Variants in UNC80 observed in about 807,000 individuals in gnomAD.
UNC80 encodes the protein unc-80 subunit of NALCN channel complex.
A neutral mutation model predicts 384.6 loss-of-function variants in UNC80; 164 were observed. The ratio of observed to expected loss-of-function variants is 0.43; its 90% CI spans 0.38 to 0.49. The LOEUF is 0.49. Among genes scored for constraint, UNC80 ranks in the 20% least tolerant of loss-of-function variants. The pLI, the probability that UNC80 is intolerant of heterozygous loss-of-function variation, is 0.00. For synonymous variants in UNC80, 1,486 were observed against 1,527.8 expected (o/e 0.97, Z 0.64); for missense variants, 3,330 against 4,143.0 (o/e 0.80, Z 5.39).
At position 209,834,951 on chromosome 2, in the gene UNC80, C is replaced by T; in HGVS notation, c.2982C>T (p.Ser994=). 6.4e-7 allele frequency: 1 copy of T among 1,551,136 alleles called. No individual in the cohort carries two copies. Among genetic ancestry groups the T allele is most frequent in the Non-Finnish European group, 8.7e-7 (1 of 1,146,574 alleles). The change falls in exon 18 of 65, where the codon TCC becomes TCT. Residue 994 remains serine (S), a synonymous_variant. Transcript: ENST00000673920. ...AGSIVDKGQV[S]SAPEECRSFM... is the part of the protein sequence containing the mutation. ...GCATTGTGGATAAAGGCCAGGTATC[C>T]TCTGCACCTGAGGAATGTCGCAGCT...
chr2:209,903,284 T>C (rs112286515), intron 28 of UNC80, among the ~76,000 whole-genome samples: 2,140 of 131,218 alleles, frequency 0.016, 65 homozygotes, highest in African/African-American at 0.057. Flanking sequence ...CTGACTTATG[T>C]GTGTGTGTGT....
At chr2:209,891,420 G>T (rs1488735976) in intron 26 of UNC80, among the ~76,000 whole-genome samples, 1 of 151,996 alleles carries the variant, frequency 6.6e-6, no homozygotes, top group African/African-American at 2.4e-5. Context: ...ATATCCCAAA[G>T]AGATTTTAAT....
rs2089765099 is a variant in UNC80 at position 209,918,676 on chromosome 2, C to G, written c.5343+13C>G. On this transcript the variant is annotated intron_variant, in intron 33 of 64. Coordinates refer to ENST00000673920, the MANE Select transcript of UNC80 (RefSeq NM_001371986.1). ...TGAAGACCAGTCTGTGAGTAACAGA[C>G]ACTTCCAGGTTCCATGGTGTACGTG... is the stretch of plus-strand genomic sequence containing the variant. 6.5e-7 allele frequency: 1 copy of G among 1,540,826 alleles called. No individual in the cohort carries two copies. The highest frequency in any genetic ancestry group is 1.4e-5 in the African/African-American group (1 of 72,812).
intron 50 of UNC80, 135 bp from the exon 51 acceptor site, chr2:209,959,354 T>G: frequency 1.9e-6 from 2 of 1,075,554 alleles, no homozygotes; most frequent in Non-Finnish European, 2.7e-6. Context: ...TCGGATGAGG[T>G]TCTCCTTGGC....
At chr2:209,875,818 A>C (rs1275884610) in intron 23 of UNC80, among the ~76,000 whole-genome samples, 1 of 152,174 alleles carries the variant, frequency 6.6e-6, no homozygotes. Flanking sequence ...AAACTTTGAG[A>C]CCTTCTGTGA....
At chr2:209,832,683 A>G (rs1039471186) in intron 16 of UNC80, among the ~76,000 whole-genome samples, 4 of 152,238 alleles carry the variant, frequency 2.6e-5, no homozygotes, top group African/African-American at 9.6e-5. Context: ...CCATCCATGC[A>G]TACAATTTGG....
intron 28 of UNC80, among the ~76,000 whole-genome samples, chr2:209,898,659 A>G (rs1407190382): frequency 6.6e-6 from 1 of 152,146 alleles, no homozygotes; most frequent in Non-Finnish European, 1.5e-5. Flanking sequence ...TTTTAAATGT[A>G]CAGTTATTAT....
At chr2:209,803,012 G>T (rs1467265425) in intron 7 of UNC80, among the ~76,000 whole-genome samples, 1 of 152,120 alleles carries the variant, frequency 6.6e-6, no homozygotes, top group Non-Finnish European at 1.5e-5. Context: ...TAGCTGATTT[G>T]TTCAAAACCA....
intron 25 of UNC80, among the ~76,000 whole-genome samples, chr2:209,884,341 G>A (rs1333091057): frequency 2.6e-5 from 4 of 152,204 alleles, no homozygotes; most frequent in Non-Finnish European, 4.4e-5. Context: ...GAGGAAGGTG[G>A]TAAGGAGGTC....
chr2:209,952,744 T>C (rs1352745315), intron 47 of UNC80, among the ~76,000 whole-genome samples: 1 of 152,238 alleles, frequency 6.6e-6, no homozygotes, highest in African/African-American at 2.4e-5. Flanking sequence ...TTAAAAATTT[T>C]GTCCACCCTT....
chr2:209,977,995 A>C (rs2093055808), intron 58 of UNC80, among the ~76,000 whole-genome samples: 1 of 152,190 alleles, frequency 6.6e-6, no homozygotes, highest in African/African-American at 2.4e-5. Context: ...AAGTTTACAC[A>C]TTATCATTCA....
At chr2:209,826,299 T>C (rs1317890419) in intron 14 of UNC80, among the ~76,000 whole-genome samples, 1 of 152,178 alleles carries the variant, frequency 6.6e-6, no homozygotes, top group African/African-American at 2.4e-5. Context: ...TCCCAATTAG[T>C]GAAAATATAT....
chr2:209,797,457 G>A (rs538695983), intron 7 of UNC80, among the ~76,000 whole-genome samples: 1 of 152,220 alleles, frequency 6.6e-6, no homozygotes, highest in East Asian at 1.9e-4. Flanking sequence ...GTTTGCTGAG[G>A]ATGATGGCTT....
chr2:209,789,636 A>C, intron 6 of UNC80, 31 bp downstream of exon 6: 1 of 1,491,372 alleles, frequency 6.7e-7, no homozygotes, highest in South Asian at 1.1e-5. Flanking sequence ...AGAAGAAGGG[A>C]GGCAGAAAGT....
intron 37 of UNC80, 79 bp downstream of exon 37, chr2:209,930,050 G>A (rs550747211): frequency 3.4e-4 from 307 of 908,838 alleles, no homozygotes; most frequent in South Asian, 4.4e-4. Flanking sequence ...GAACTTTATA[G>A]TGCAGTGCAT....
At position 209,997,107 on chromosome 2, in the gene UNC80, C is replaced by G. The variant is rs1402056883; in HGVS notation, c.*1512C>G. 6.6e-6 allele frequency: 1 copy of G among 152,020 alleles called. No individual in the cohort carries two copies. The highest frequency in any genetic ancestry group is 1.5e-5 in the Non-Finnish European group (1 of 67,998). The allele number at this position is 152,020 out of a possible 1,614,324, so 9.4% of individuals were successfully genotyped here. On this transcript the variant is annotated 3_prime_UTR_variant, in exon 65 of 65. Coordinates refer to ENST00000673920, the MANE Select transcript of UNC80 (RefSeq NM_001371986.1). ...TAGAATTGCTTATTAAATAGGCATA[C>G]TTTATACTGTGGTTTATAATTTCAA...
At chr2:209,878,322 G>A (rs1450888387) in intron 24 of UNC80, among the ~76,000 whole-genome samples, 2 of 152,122 alleles carry the variant, frequency 1.3e-5, no homozygotes, top group Non-Finnish European at 2.9e-5. Context: ...CAGGCAAGAT[G>A]GAACATTTAT....
At chr2:209,911,828 G>A (rs1212946418) in intron 29 of UNC80, among the ~76,000 whole-genome samples, 1 of 152,156 alleles carries the variant, frequency 6.6e-6, no homozygotes, top group Non-Finnish European at 1.5e-5. Flanking sequence ...TCTCCCAGCT[G>A]CATTATTCAG....
In UNC80 at chr2:209,879,945, T is replaced by C. The variant is rs141764567; in HGVS notation, c.3977-1016T>C. On this transcript the variant is annotated intron_variant, in intron 24 of 64. Transcript: ENST00000673920. The stretch of plus-strand genomic sequence containing the variant: ...TTCAAATGAAATCGTGAAGTATGTA[T>C]TCTATTCAATTAAGAAAGCCTAACA... Among the ~76,000 whole-genome samples, 669 of 152,364 alleles carry C rather than the reference T, an allele frequency of 4.4e-3. 3 individuals carry two copies. Among genetic ancestry groups the C allele is most frequent in the Non-Finnish European group, 7.6e-3 (519 of 68,034 alleles).
Sources: gnomAD v4.1 joint callset for allele counts (sites outside exome capture counted in the v4.1 genomes callset) on GRCh38, gnomAD v4.1.1 for gene constraint, MANE v1.5 for transcripts, NCBI Gene and HGNC (gene_info 2026-07-23, HGNC 2026-07-21) for gene names.